The following SYT1 variants were observed in gnomAD, a reference collection of about 807,000 sequenced individuals.
SYT1 encodes synaptotagmin 1.
Under a neutral mutation model 44.8 loss-of-function variants are expected in SYT1, and 8 were observed. The observed-to-expected ratio is 0.18, with a 90% CI of 0.10 to 0.32. The LOEUF is 0.32. Ranked by LOEUF, SYT1 falls within the 10% of genes least tolerant of loss-of-function variation. The probability of loss-of-function intolerance (pLI) is 1.00; values close to 1 mark genes in which losing one functional copy is unlikely to be tolerated. For missense variants in SYT1, 286 were observed against 509.3 expected (o/e 0.56, Z 4.22); for synonymous variants, 154 against 188.8 (o/e 0.82, Z 1.51).
At chr12:79,357,202 A>G (rs1436379000) in intron 9 of SYT1, among the ~76,000 whole-genome samples, 1 of 152,220 alleles carries the variant, frequency 6.6e-6, no homozygotes, top group East Asian at 1.9e-4. Context: ...ATCCACATGC[A>G]AAAAATGCAA....
At chr12:78,878,024 T>C (rs1874266547) in intron 1 of SYT1, among the ~76,000 whole-genome samples, 1 of 151,846 alleles carries the variant, frequency 6.6e-6, no homozygotes, top group Non-Finnish European at 1.5e-5. Context: ...CTAGCACCAA[T>C]GCTGTTATTG....
intron 1 of SYT1, among the ~76,000 whole-genome samples, chr12:78,926,037 A>T (rs184020843): frequency 9.3e-4 from 142 of 152,204 alleles, no homozygotes; most frequent in African/African-American, 3.0e-3. Context: ...TATAGAAAAC[A>T]TATCAGGGTC....
At position 79,086,768 on chromosome 12, in the gene SYT1, A is replaced by G. The variant is rs1033905356; in HGVS notation, c.-18+39406A>G. On this transcript the variant is annotated intron_variant, in intron 3 of 10. Coordinates refer to ENST00000261205, the MANE Select transcript of SYT1 (RefSeq NM_005639.3). ...TGTGTGCCTGGCTGAGCAGCTTCCAATGACATGTGATGTGGGGTTTTCTCC... is the reference window on the plus strand; with the variant it reads ...TGTGTGCCTGGCTGAGCAGCTTCCAGTGACATGTGATGTGGGGTTTTCTCC... 3.3e-5 allele frequency among the ~76,000 whole-genome samples: 5 copies of G among 152,146 alleles called. 1 individual carries two copies. In the South Asian group the frequency reaches 6.2e-4, roughly 19 times the overall value.
intron 4 of SYT1, among the ~76,000 whole-genome samples, chr12:79,274,653 C>T (rs1006542801): frequency 1.6e-4 from 24 of 152,098 alleles, no homozygotes; most frequent in Admixed American, 6.6e-5. Flanking sequence ...TTTGAGAGTT[C>T]GATGGCCCCA....
chr12:78,941,364 A>G (rs61929233), intron 1 of SYT1, among the ~76,000 whole-genome samples: 8,864 of 149,860 alleles, frequency 0.059, 286 homozygotes, highest in Admixed American at 0.089. Context: ...GAGTCACCGC[A>G]CCCAGCCTAG....
intron 9 of SYT1, among the ~76,000 whole-genome samples, chr12:79,358,785 G>C (rs1883208558): frequency 6.6e-6 from 1 of 152,154 alleles, no homozygotes; most frequent in African/African-American, 2.4e-5. Flanking sequence ...TCAAGATGAG[G>C]TCGTCACAGT....
At chr12:79,383,832 CTT>C (rs1315136501) in intron 9 of SYT1, among the ~76,000 whole-genome samples, 1 of 152,154 alleles carries the variant, frequency 6.6e-6, no homozygotes, top group Non-Finnish European at 1.5e-5. Context: ...GCAAATCACT[CTT>C]TATTATTTTG....
chr12:79,096,766 G>T (rs978414786), intron 3 of SYT1, among the ~76,000 whole-genome samples: 35 of 151,994 alleles, frequency 2.3e-4, no homozygotes, highest in African/African-American at 7.7e-4. Context: ...GTTTGAGCAG[G>T]GGCATGACAT....
chr12:78,878,137 C>CTT (rs1177081980), intron 1 of SYT1, among the ~76,000 whole-genome samples: 123 of 151,464 alleles, frequency 8.1e-4, no homozygotes, highest in African/African-American at 2.5e-3. Context: ...ATATTGCACT[C>CTT]TTTTTTGTGT....
At chr12:78,874,784 C>T (rs1229024196) in intron 1 of SYT1, among the ~76,000 whole-genome samples, 1 of 151,558 alleles carries the variant, frequency 6.6e-6, no homozygotes, top group African/African-American at 2.4e-5. Context: ...CACTGTACCA[C>T]TAGTACTCAA....
chr12:79,424,953 C>CTTTTT (rs398040025), intron 9 of SYT1, among the ~76,000 whole-genome samples: 6,441 of 84,374 alleles, frequency 0.076, 229 homozygotes, highest in Non-Finnish European at 0.096. Context: ...TTTTCTTCTT[C>CTTTTT]TTTTTTTTTT....
chr12:79,025,650 A>G lies in SYT1; in HGVS notation c.-83-21647A>G, dbSNP rs149650950. 1.4e-3 allele frequency among the ~76,000 whole-genome samples: 209 copies of G among 151,694 alleles called. 2 individuals carry two copies. Among genetic ancestry groups the G allele is most frequent in the African/African-American group, 4.8e-3 (200 of 41,474 alleles). Reference sequence around the variant, plus strand: ...ATATATGTATGTATATGTGTTTTATATATACATATATATTTCTTCTATACA... The same window carrying G: ...ATATATGTATGTATATGTGTTTTATGTATACATATATATTTCTTCTATACA... On this transcript the variant is annotated intron_variant, in intron 2 of 10. Coordinates refer to ENST00000261205, the MANE Select transcript of SYT1 (RefSeq NM_005639.3).
chr12:79,041,399 T>C (rs79341494), intron 2 of SYT1, among the ~76,000 whole-genome samples: 2 of 151,868 alleles, frequency 1.3e-5, no homozygotes, highest in African/African-American at 4.8e-5. Context: ...GTGAATGGGA[T>C]TTCACTCATG....
At chr12:79,327,029 A>G (rs1003486612) in intron 8 of SYT1, among the ~76,000 whole-genome samples, 2 of 152,146 alleles carry the variant, frequency 1.3e-5, no homozygotes, top group Admixed American at 6.6e-5. Context: ...TATAAGAAAA[A>G]TGGAGATGTT....
intron 2 of SYT1, chr12:79,036,454 T>A (rs893834268): frequency 6.6e-6 from 1 of 151,834 alleles, no homozygotes; most frequent in Non-Finnish European, 1.5e-5. Flanking sequence ...TATATGACCC[T>A]GTAGTAAAAG....
intron 9 of SYT1, among the ~76,000 whole-genome samples, chr12:79,362,776 A>G (rs1264169883): frequency 6.6e-6 from 1 of 152,242 alleles, no homozygotes; most frequent in Non-Finnish European, 1.5e-5. Context: ...GATGTTTGAA[A>G]GAGAATAGAT....
chr12:79,191,699 T>C (rs1311831246), intron 3 of SYT1, among the ~76,000 whole-genome samples: 1 of 152,156 alleles, frequency 6.6e-6, no homozygotes, highest in Non-Finnish European at 1.5e-5. Flanking sequence ...GTTAGTTGTT[T>C]CTTTTTTATT....
intron 1 of SYT1, among the ~76,000 whole-genome samples, chr12:78,941,092 G>A (rs975324571): frequency 9.0e-6 from 1 of 111,342 alleles, no homozygotes; most frequent in East Asian, 2.8e-4. Context: ...TTGAGATGGA[G>A]TCTCGCTCTG....
intron 3 of SYT1, among the ~76,000 whole-genome samples, chr12:79,096,736 G>A: frequency 6.6e-6 from 1 of 151,988 alleles, no homozygotes; most frequent in East Asian, 1.9e-4. Context: ...GTAGATACTG[G>A]TGGGGCAGCT....
Sources: gnomAD v4.1 joint callset for allele counts (sites outside exome capture counted in the v4.1 genomes callset) on GRCh38, gnomAD v4.1.1 for gene constraint, MANE v1.5 for transcripts, NCBI Gene and HGNC (gene_info 2026-07-23, HGNC 2026-07-21) for gene names.